The following BTC variants were observed in gnomAD, a reference collection of about 807,000 sequenced individuals.
BTC encodes betacellulin.
Under a neutral mutation model 18.1 loss-of-function variants are expected in BTC, and 13 were observed. The observed-to-expected ratio is 0.72, with a 90% CI of 0.47 to 1.14. The LOEUF (loss-of-function observed/expected upper bound fraction) is 1.14. BTC is among the 50% of genes most tolerant of loss of function. BTC has a pLI of 0.00. For missense variants in BTC, 247 were observed against 224.2 expected, an observed-to-expected ratio of 1.10 and a Z score of -0.65; for synonymous variants, 83 against 79.4, an observed-to-expected ratio of 1.05 and a Z score of -0.24.
At chr4:74,761,502 C>T (rs1724757066) in intron 2 of BTC, among the ~76,000 whole-genome samples, 1 of 152,204 alleles carries the variant, frequency 6.6e-6, no homozygotes, top group South Asian at 2.1e-4. Context: ...GTCCAACTAA[C>T]ATCTTCACCT....
chr4:74,757,646 T>C (rs965614215), intron 2 of BTC, among the ~76,000 whole-genome samples: 1 of 152,138 alleles, frequency 6.6e-6, no homozygotes, highest in Admixed American at 6.5e-5. Flanking sequence ...ACTATTTAAA[T>C]TGCTAGAATA....
chr4:74,773,699 C>T (rs1200000023), intron 1 of BTC, among the ~76,000 whole-genome samples: 1 of 151,870 alleles, frequency 6.6e-6, no homozygotes, highest in Non-Finnish European at 1.5e-5. Flanking sequence ...GCTGCCTCCG[C>T]CTCCTGGGTT....
chr4:74,754,880 C>T (rs1368800968), intron 3 of BTC, among the ~76,000 whole-genome samples: 1 of 151,624 alleles, frequency 6.6e-6, no homozygotes, highest in Non-Finnish European at 1.5e-5. Context: ...TCAATATGTG[C>T]TTCCAAGCCA....
chr4:74,759,231 T>C (rs892075227), intron 2 of BTC, among the ~76,000 whole-genome samples: 1 of 152,134 alleles, frequency 6.6e-6, no homozygotes, highest in African/African-American at 2.4e-5. Context: ...AAGTTAATCC[T>C]ATGACAAAAT....
chr4:74,756,031 AATAGAAT>A, intron 2 of BTC, 55 bp from the exon 3 acceptor site: 1 of 1,369,044 alleles, frequency 7.3e-7, no homozygotes, highest in Non-Finnish European at 1.0e-6. Context: ...TTCACTTGTA[AATAGAAT>A]CATATTCTTA....
chr4:74,755,885 CA>C lies in BTC; in HGVS notation c.254del (p.Val85GlyfsTer28). On this transcript the variant is annotated frameshift_variant, in exon 3 of 6. Coordinates refer to ENST00000395743, the MANE Select transcript of BTC (RefSeq NM_001729.4). LOFTEE classifies it high-confidence loss of function. ...HYCIKGRCRF[V>X]VAEQTPSCVC... Reference sequence around the variant, plus strand: ...CACAGGAGGGCGTCTGCTCGGCCACCACGAAGCGGCATCTCCCTTTGATGCA... The same window carrying C: ...CACAGGAGGGCGTCTGCTCGGCCACCCGAAGCGGCATCTCCCTTTGATGCA... 2 of 1,614,144 alleles carry C rather than the reference CA, an allele frequency of 1.2e-6. No individual in the cohort carries two copies. Among genetic ancestry groups the C allele is most frequent in the Non-Finnish European group, 1.7e-6 (2 of 1,180,030 alleles).
At chr4:74,762,338 C>T (rs987451868) in intron 2 of BTC, among the ~76,000 whole-genome samples, 2 of 152,086 alleles carry the variant, frequency 1.3e-5, no homozygotes, top group Admixed American at 1.3e-4. Flanking sequence ...ACTGTGTGAT[C>T]TTGAACAAAT....
chr4:74,750,837 CT>C (rs1724441480), intron 3 of BTC, 118 bp from the exon 4 acceptor site: 2 of 1,374,980 alleles, frequency 1.5e-6, no homozygotes, highest in Non-Finnish European at 2.0e-6. Flanking sequence ...ACACAGTTCC[CT>C]TTTTAAAAAA....
intron 2 of BTC, among the ~76,000 whole-genome samples, chr4:74,766,635 A>G (rs1190569573): frequency 6.6e-6 from 1 of 152,018 alleles, no homozygotes; most frequent in Non-Finnish European, 1.5e-5. Flanking sequence ...TCCACAAATA[A>G]AGGCCAGGGC....
rs375870448 is a variant in BTC, at chr4:74,755,831, G to C, written c.281+28C>G. 6.2e-6 allele frequency: 10 copies of C among 1,602,162 alleles called. No individual in the cohort carries two copies. The African/African-American group carries it at 1.3e-4, about 21-fold the overall frequency. On this transcript the variant is annotated intron_variant, in intron 3 of 5. Coordinates refer to ENST00000395743, the MANE Select transcript of BTC (RefSeq NM_001729.4). ...GGCGGGCACCATTCTGCACCCTTTTGCTTGCTGGCTGAGGACACTCCACTT... is the reference window on the plus strand; with the variant it reads ...GGCGGGCACCATTCTGCACCCTTTTCCTTGCTGGCTGAGGACACTCCACTT...
At chr4:74,776,782 A>G (rs560931341) in intron 1 of BTC, among the ~76,000 whole-genome samples, 1 of 152,262 alleles carries the variant, frequency 6.6e-6, no homozygotes, top group East Asian at 1.9e-4. Flanking sequence ...TGAATTTTCC[A>G]TTTTTAGAGC....
In BTC at chr4:74,772,369, A is replaced by G. The variant is rs527510108; in HGVS notation, c.65-2213T>C. On this transcript the variant is annotated intron_variant, in intron 1 of 5. Coordinates refer to ENST00000395743, the MANE Select transcript of BTC (RefSeq NM_001729.4). Reference sequence around the variant, plus strand: ...TTTCCTTCACACTTAGAACAAATAGAAACAAACAATCATTTAGGGCTTCTG... The same window carrying G: ...TTTCCTTCACACTTAGAACAAATAGGAACAAACAATCATTTAGGGCTTCTG... 2.6e-5 allele frequency among the ~76,000 whole-genome samples: 4 copies of G among 152,308 alleles called. No homozygotes were observed. The East Asian group carries it at 5.8e-4, about 22-fold the overall frequency.
rs374762397 is a variant in BTC at position 74,745,604 on chromosome 4, G to A, written c.*1073C>T. On this transcript the variant is annotated 3_prime_UTR_variant, in exon 6 of 6. Coordinates refer to ENST00000395743, the MANE Select transcript of BTC (RefSeq NM_001729.4). ...ATGGTCCCAAGTAATAGATGTTATG[G>A]TCATGAATTTACTGCATCAAAATTT... is the stretch of plus-strand genomic sequence containing the variant. The A allele has an allele frequency of 2.0e-5, 3 of 152,238 alleles. No homozygotes were observed. In the East Asian group the frequency reaches 5.8e-4, roughly 29 times the overall value. 9.4% of individuals were successfully genotyped at this position (152,238 alleles called of 1,614,324 possible). A position where few individuals can be genotyped will look rare whatever the true frequency, so the allele number is the denominator to read the frequency against.
In BTC at chr4:74,773,749, T is replaced by A. The variant is rs950980023; in HGVS notation, c.65-3593A>T. On this transcript the variant is annotated intron_variant, in intron 1 of 5. Transcript: ENST00000395743. ...GCCTCAGCCACCCAAGTAGCTGAGA[T>A]TATAGGTGCCTGCCACCATGCCTGG... 2.6e-5 allele frequency among the ~76,000 whole-genome samples: 4 copies of A among 151,904 alleles called. No individual in the cohort carries two copies. In the East Asian group the frequency reaches 7.7e-4, roughly 29 times the overall value.
At chr4:74,763,694 G>A (rs116208729) in intron 2 of BTC, among the ~76,000 whole-genome samples, 4 of 152,014 alleles carry the variant, frequency 2.6e-5, no homozygotes, top group East Asian at 3.8e-4. Context: ...CACTTTTCAC[G>A]GATGCTGAGG....
At chr4:74,770,550 G>C (rs1204247894) in intron 1 of BTC, among the ~76,000 whole-genome samples, 3 of 152,156 alleles carry the variant, frequency 2.0e-5, no homozygotes, top group Admixed American at 6.6e-5. Context: ...ATTCCACAAA[G>C]AGCCAGCGTT....
intron 2 of BTC, among the ~76,000 whole-genome samples, chr4:74,758,966 CAT>C (rs1458392499): frequency 6.6e-6 from 1 of 152,094 alleles, no homozygotes; most frequent in East Asian, 1.9e-4. Context: ...CACACACACA[CAT>C]ACACACATAC....
At position 74,794,251 on chromosome 4, in the gene BTC, C is replaced by G; in HGVS notation, c.64+11G>C. On this transcript the variant is annotated intron_variant, in intron 1 of 5. Transcript: ENST00000395743. ...TCCTCCTGGTTTCCAGTGCCCAGCA[C>G]GGCCACTTACCCAGGGCAAGGGCCA... is the stretch of plus-strand genomic sequence containing the variant. 1 of 1,550,196 alleles carries G rather than the reference C, an allele frequency of 6.5e-7. No individual in the cohort carries two copies. Among genetic ancestry groups the G allele is most frequent in the East Asian group, 2.4e-5 (1 of 40,866 alleles).
chr4:74,752,721 G>C (rs782490306), intron 3 of BTC, among the ~76,000 whole-genome samples: 1 of 151,934 alleles, frequency 6.6e-6, no homozygotes, highest in Non-Finnish European at 1.5e-5. Context: ...AGATTTTTCA[G>C]AGTTTTTATA....
Sources: allele counts gnomAD v4.1 joint callset (sites outside exome capture counted in the v4.1 genomes callset), GRCh38; gene constraint gnomAD v4.1.1; transcripts MANE v1.5; gene names NCBI Gene and HGNC (gene_info 2026-07-23, HGNC 2026-07-21).